Variants in CADPS2 observed in about 807,000 individuals in gnomAD.
CADPS2 encodes the protein calcium-dependent secretion activator 2.
In CADPS2, 93 loss-of-function variants were observed where a neutral mutation model predicts 172.5. The observed-to-expected ratio is 0.54, with a 90% CI of 0.46 to 0.64. The LOEUF (loss-of-function observed/expected upper bound fraction) is 0.64, where lower values mean the gene tolerates loss of function less well. Among genes scored for constraint, CADPS2 ranks in the 30% least tolerant of loss-of-function variants. The pLI is 0.00. For synonymous variants in CADPS2, 546 were observed against 555.2 expected (o/e 0.98, Z 0.23); for missense variants, 1,420 against 1,565.9 (o/e 0.91, Z 1.57).
At chr7:122,339,024 T>C (rs1013765263) in intron 28 of CADPS2, 2 of 151,836 alleles carry the variant, frequency 1.3e-5, no homozygotes, top group Non-Finnish European at 2.9e-5. Flanking sequence ...CGTTGACCTC[T>C]TGAAGTGTTG....
At chr7:122,711,114 T>C (rs73719751) in intron 2 of CADPS2, among the ~76,000 whole-genome samples, 7,576 of 152,148 alleles carry the variant, frequency 0.05, 638 homozygotes, top group African/African-American at 0.17. Flanking sequence ...TTGACAACAG[T>C]TGTCCAGAAA....
intron 7 of CADPS2, among the ~76,000 whole-genome samples, chr7:122,557,814 G>A (rs1209248183): frequency 6.6e-6 from 1 of 152,172 alleles, no homozygotes. Flanking sequence ...CTAGTAAACA[G>A]CTAATTAGCC....
intron 12 of CADPS2, among the ~76,000 whole-genome samples, chr7:122,475,480 G>A (rs1332286259): frequency 6.6e-6 from 1 of 152,194 alleles, no homozygotes; most frequent in African/African-American, 2.4e-5. Context: ...TAAGCTAAGT[G>A]TAGTTTGTAA....
intron 8 of CADPS2, among the ~76,000 whole-genome samples, chr7:122,515,818 TAAA>T (rs989544431): frequency 7.0e-6 from 1 of 143,086 alleles, no homozygotes; most frequent in African/African-American, 2.7e-5. Flanking sequence ...AAAAGTATAA[TAAA>T]AAAATTAATT....
intron 28 of CADPS2, 33 bp downstream of exon 28, chr7:122,345,541 G>A: frequency 8.1e-7 from 1 of 1,236,398 alleles, no homozygotes; most frequent in Non-Finnish European, 1.2e-6. Flanking sequence ...TTTATCTATG[G>A]TGTCAGCATA....
At chr7:122,423,902 G>A (rs879754992) in intron 17 of CADPS2, among the ~76,000 whole-genome samples, 1 of 152,076 alleles carries the variant, frequency 6.6e-6, no homozygotes, top group Admixed American at 6.6e-5. Flanking sequence ...GAAAAACAAA[G>A]TTAAAAAACA....
intron 14 of CADPS2, among the ~76,000 whole-genome samples, chr7:122,462,841 A>G (rs2054630923): frequency 6.6e-6 from 1 of 152,182 alleles, no homozygotes; most frequent in Non-Finnish European, 1.5e-5. Context: ...TGGGCCAGGC[A>G]CAGTGGCTCA....
Position 122,444,269 on chromosome 7 carries a change from G to T in CADPS2, c.2289-2694C>A, listed in dbSNP as rs183778215. 1.5e-4 allele frequency among the ~76,000 whole-genome samples: 23 copies of T among 152,194 alleles called. No individual in the cohort carries two copies. The South Asian group carries it at 1.9e-3, about 12-fold the overall frequency. Reference sequence around the variant, plus strand: ...GCTACTATGAATAATGTTGGTATGAGCAATCATATAAAAGTCTGTGTGGAC... The same window carrying T: ...GCTACTATGAATAATGTTGGTATGATCAATCATATAAAAGTCTGTGTGGAC... On this transcript the variant is annotated intron_variant, in intron 15 of 29. Transcript: ENST00000449022.
rs558421546 is a variant in CADPS2 at position 122,734,356 on chromosome 7, T to TAAAAAAAAAAAAAAAAAAAAA, written c.453+2578_453+2598dup. 7.1e-4 allele frequency among the ~76,000 whole-genome samples: 33 copies of TAAAAAAAAAAAAAAAAAAAAA among 46,272 alleles called. 5 individuals carry two copies. Among genetic ancestry groups the TAAAAAAAAAAAAAAAAAAAAA allele is most frequent in the African/African-American group, 1.6e-3 (18 of 11,114 alleles). The allele number at this position is 46,272 out of a possible 152,430, so 30.4% of individuals were successfully genotyped here. On this transcript the variant is annotated intron_variant, in intron 2 of 29. Coordinates refer to ENST00000449022, the MANE Select transcript of CADPS2 (RefSeq NM_017954.11). ...AATAACGATAGCATGCCAGAAATAG[T>TAAAAAAAAAAAAAAAAAAAAA]AAAAAAAAAAAAAAAAAAAAAAAAA...
At chr7:122,785,598 CT>C (rs1374703481) in intron 1 of CADPS2, among the ~76,000 whole-genome samples, 2 of 152,094 alleles carry the variant, frequency 1.3e-5, no homozygotes, top group Admixed American at 1.3e-4. Flanking sequence ...AGTGGAAAGC[CT>C]TTTTGCTCTC....
chr7:122,380,858 T>C (rs2042915348), intron 24 of CADPS2, among the ~76,000 whole-genome samples: 1 of 151,978 alleles, frequency 6.6e-6, no homozygotes, highest in Non-Finnish European at 1.5e-5. Context: ...AATTGAAACA[T>C]AGAGAGTGGA....
rs1251146268 is a variant in CADPS2, at chr7:122,443,645, TTATC to T, written c.2289-2074_2289-2071del. 2.7e-5 allele frequency among the ~76,000 whole-genome samples: 4 copies of T among 150,464 alleles called. No homozygotes were observed. In the South Asian group the frequency reaches 6.3e-4, roughly 24 times the overall value. ...ACATAGTTTAAAGAGGAAACTTCTT[TTATC>T]TTTTTTTTTTTTAAATGAAAGCCAG... is the stretch of plus-strand genomic sequence containing the variant. On this transcript the variant is annotated intron_variant, in intron 15 of 29. Coordinates refer to ENST00000449022, the MANE Select transcript of CADPS2 (RefSeq NM_017954.11).
intron 7 of CADPS2, among the ~76,000 whole-genome samples, chr7:122,562,265 T>A (rs1457011380): frequency 6.6e-6 from 1 of 152,134 alleles, no homozygotes; most frequent in Non-Finnish European, 1.5e-5. Context: ...TAGGCAATTA[T>A]TCACCTATCC....
At chr7:122,364,877 G>C (rs1023519470) in intron 25 of CADPS2, among the ~76,000 whole-genome samples, 1 of 152,164 alleles carries the variant, frequency 6.6e-6, no homozygotes, top group Non-Finnish European at 1.5e-5. Context: ...AACTGCACAT[G>C]ACACAAGGCA....
intron 20 of CADPS2, among the ~76,000 whole-genome samples, chr7:122,403,794 T>C (rs1209326242): frequency 6.6e-6 from 1 of 151,588 alleles, no homozygotes; most frequent in Non-Finnish European, 1.5e-5. Context: ...CCATTCATTG[T>C]AGATGAATGA....
At chr7:122,395,549 C>G (rs2151516802) in intron 20 of CADPS2, 1 of 152,270 alleles carries the variant, frequency 6.6e-6, no homozygotes, top group Non-Finnish European at 1.5e-5. Context: ...AATTCAGTTC[C>G]TTTTATCAAA....
intron 6 of CADPS2, among the ~76,000 whole-genome samples, chr7:122,611,095 T>G (rs889689622): frequency 6.6e-6 from 1 of 152,152 alleles, no homozygotes; most frequent in African/African-American, 2.4e-5. Context: ...ATAGCTGCAA[T>G]TGCCTATTTT....
At chr7:122,778,581 G>A (rs2093953902) in intron 1 of CADPS2, among the ~76,000 whole-genome samples, 1 of 152,158 alleles carries the variant, frequency 6.6e-6, no homozygotes, top group Admixed American at 6.5e-5. Flanking sequence ...CTGGCCCAGT[G>A]ACCCTTTGCT....
intron 1 of CADPS2, among the ~76,000 whole-genome samples, chr7:122,859,496 A>G (rs769918581): frequency 1.2e-4 from 19 of 152,202 alleles, no homozygotes; most frequent in Non-Finnish European, 2.1e-4. Context: ...GTCTTATTAT[A>G]GTTAATGGCT....
Sources: gnomAD v4.1 joint callset for allele counts (sites outside exome capture counted in the v4.1 genomes callset) on GRCh38, gnomAD v4.1.1 for gene constraint, MANE v1.5 for transcripts, NCBI Gene and HGNC (gene_info 2026-07-23, HGNC 2026-07-21) for gene names.